The following EPRS1 variants were observed in gnomAD, a reference collection of about 807,000 sequenced individuals.
EPRS1 encodes the protein glutamyl-prolyl-tRNA synthetase 1, also known as bifunctional glutamate/proline--tRNA ligase.
Under a neutral mutation model 188.3 loss-of-function variants are expected in EPRS1, and 107 were observed. The observed-to-expected ratio is 0.57, with a 90% confidence interval of 0.49 to 0.67. The LOEUF is 0.67. Ranked by LOEUF, EPRS1 falls within the 30% of genes least tolerant of loss-of-function variation. The pLI is 0.00. For missense variants in EPRS1, 1,577 were observed against 1,802.2 expected (o/e 0.88, Z 2.26); for synonymous variants, 596 against 593.1 (o/e 1.00, Z -0.07).
chr1:220,011,822 T>C (rs2102583993), intron 12 of EPRS1, among the ~76,000 whole-genome samples: 1 of 152,286 alleles, frequency 6.6e-6, no homozygotes, highest in Non-Finnish European at 1.5e-5. Context: ...AAATTAGTCA[T>C]GATGACCAAT....
At chr1:220,030,956 G>A (rs1205719641) in intron 5 of EPRS1, among the ~76,000 whole-genome samples, 1 of 152,046 alleles carries the variant, frequency 6.6e-6, no homozygotes, top group African/African-American at 2.4e-5. Context: ...GCTGGGCCTG[G>A]CGGCGTGCAC....
At chr1:220,011,283 C>T (rs1661600152) in intron 12 of EPRS1, among the ~76,000 whole-genome samples, 1 of 152,108 alleles carries the variant, frequency 6.6e-6, no homozygotes, top group Non-Finnish European at 1.5e-5. Flanking sequence ...AGAATAGCTA[C>T]TGGCAGGTGA....
chr1:219,981,006 C>A, intron 24 of EPRS1, 149 bp from the exon 25 acceptor site: 1 of 599,980 alleles, frequency 1.7e-6, no homozygotes. Context: ...CTCAAATGAT[C>A]CTTCTACCTT....
rs374210879 is a variant in EPRS1 at position 220,032,518 on chromosome 1, C to G, written c.397G>C (p.Ala133Pro). The G allele has an allele frequency of 6.2e-6, 10 of 1,612,554 alleles. No individual in the cohort carries two copies. Among genetic ancestry groups the G allele is most frequent in the African/African-American group, 1.3e-5 (1 of 74,782 alleles). ...TTCTGTTTCAACTGTTCTTGCCAGG[C>G]AGCATTTCCTATGAGCAAAGATAAT... ...CVWATLKGNA[A>P]WQEQLKQKKA... Residue 133 changes from alanine to proline, a missense_variant, in exon 5 of 32, where the codon GCC becomes CCC. Coordinates refer to ENST00000366923, the MANE Select transcript of EPRS1 (RefSeq NM_004446.3).
intron 19 of EPRS1, 133 bp from the exon 20 acceptor site, chr1:219,987,537 G>C (rs1207321404): frequency 1.4e-6 from 1 of 734,414 alleles, no homozygotes; most frequent in African/African-American, 1.8e-5. Context: ...TGCCCAGGTG[G>C]TGATAAGGTT....
intron 6 of EPRS1, among the ~76,000 whole-genome samples, chr1:220,026,150 G>A (rs1487247169): frequency 2.0e-5 from 3 of 152,150 alleles, no homozygotes; most frequent in Admixed American, 6.5e-5. Context: ...AGGGGTACAT[G>A]TGAAGTTTTG....
intron 12 of EPRS1, among the ~76,000 whole-genome samples, chr1:220,015,265 C>A (rs1661679671): frequency 6.6e-6 from 1 of 150,428 alleles, no homozygotes; most frequent in South Asian, 2.1e-4. Context: ...GAGTTCAAGA[C>A]CAGCTTGGCC....
chr1:220,027,081 G>C (rs1571692772), intron 6 of EPRS1, among the ~76,000 whole-genome samples: 1 of 151,664 alleles, frequency 6.6e-6, no homozygotes, highest in African/African-American at 2.4e-5. Flanking sequence ...CACGAGGTCA[G>C]GAGTTCAACA....
chr1:219,981,303 A>C, intron 24 of EPRS1, 75 bp downstream of exon 24: 1 of 1,017,426 alleles, frequency 9.8e-7, no homozygotes, highest in Non-Finnish European at 1.4e-6. Context: ...TGAAAATAAA[A>C]ACAAAATGTG....
intron 24 of EPRS1, 62 bp downstream of exon 24, chr1:219,981,316 T>TA: frequency 4.8e-6 from 5 of 1,050,982 alleles, no homozygotes; most frequent in Non-Finnish European, 6.5e-6. Flanking sequence ...AAAATGTGCT[T>TA]TAAAAAAAAA....
At chr1:220,012,332 AT>A (rs1460268253) in intron 12 of EPRS1, among the ~76,000 whole-genome samples, 1 of 152,218 alleles carries the variant, frequency 6.6e-6, no homozygotes, top group East Asian at 1.9e-4. Flanking sequence ...TCAGTTCAGT[AT>A]TTAAGTCAGT....
At chr1:220,012,023 G>A (rs933419888) in intron 12 of EPRS1, among the ~76,000 whole-genome samples, 3 of 151,998 alleles carry the variant, frequency 2.0e-5, no homozygotes, top group Non-Finnish European at 4.4e-5. Context: ...TGTCAGTGTT[G>A]AAGGTAGTTT....
rs570601955 is a variant in EPRS1 at position 220,038,039 on chromosome 1, T to C, written c.131+2146A>G. 4.0e-5 allele frequency among the ~76,000 whole-genome samples: 6 copies of C among 151,756 alleles called. No individual in the cohort carries two copies. In the South Asian group the frequency reaches 1.3e-3, roughly 32 times the overall value. On this transcript the variant is annotated intron_variant, in intron 2 of 31. Transcript: ENST00000366923. ...CAGAAGTTTATGAGTATGGGGTGAC[T>C]GTGTGTATGTAGTGGCAACAGGGGA...
At chr1:220,006,982 T>G (rs114185813) in intron 14 of EPRS1, among the ~76,000 whole-genome samples, 1,567 of 152,304 alleles carry the variant, frequency 0.01, 11 homozygotes, top group Middle Eastern at 0.041. Context: ...ATGTAGTAAT[T>G]TTCAACACCA....
intron 13 of EPRS1, 37 bp downstream of exon 13, chr1:220,010,903 CTTTTAA>C (rs1350098126): frequency 3.5e-6 from 4 of 1,153,302 alleles, no homozygotes; most frequent in Non-Finnish European, 5.2e-6. Flanking sequence ...CCTGCTCCTT[CTTTTAA>C]CAGAGAGAAA....
intron 5 of EPRS1, 133 bp from the exon 6 acceptor site, chr1:220,030,613 A>G: frequency 1.5e-6 from 1 of 647,754 alleles, no homozygotes; most frequent in Non-Finnish European, 2.8e-6. Context: ...TCATCCCTAC[A>G]CTTGAGGGTA....
intron 16 of EPRS1, 130 bp from the exon 17 acceptor site, chr1:220,001,385 T>A: frequency 1.5e-6 from 1 of 651,596 alleles, no homozygotes; most frequent in Non-Finnish European, 2.7e-6. Flanking sequence ...CTTTCCTTTT[T>A]GAGACAGTCT....
At chr1:220,013,081 G>C (rs1289876451) in intron 12 of EPRS1, among the ~76,000 whole-genome samples, 1 of 152,058 alleles carries the variant, frequency 6.6e-6, no homozygotes, top group Non-Finnish European at 1.5e-5. Flanking sequence ...CAGTCAATAA[G>C]GGTTCATAGA....
intron 10 of EPRS1, among the ~76,000 whole-genome samples, chr1:220,019,305 A>G (rs1661809327): frequency 6.6e-6 from 1 of 152,176 alleles, no homozygotes; most frequent in Admixed American, 6.5e-5. Flanking sequence ...TACTGGAAAC[A>G]GTAGAAGCAC....
Sources: allele counts gnomAD v4.1 joint callset (sites outside exome capture counted in the v4.1 genomes callset), GRCh38; gene constraint gnomAD v4.1.1; transcripts MANE v1.5; gene names NCBI Gene and HGNC (gene_info 2026-07-23, HGNC 2026-07-21).